The following TENM3 variants were observed in gnomAD, a reference collection of about 807,000 sequenced individuals.
TENM3 encodes the protein teneurin transmembrane protein 3.
In TENM3, 63 loss-of-function variants were observed where a neutral mutation model predicts 255.1. That is an observed-to-expected ratio of 0.25 (90% confidence interval 0.20 to 0.30). The LOEUF (loss-of-function observed/expected upper bound fraction) is 0.30, where lower values mean the gene tolerates loss of function less well. Ranked by LOEUF, TENM3 falls within the 10% of genes least tolerant of loss-of-function variation. TENM3 has a pLI of 1.00. For missense variants in TENM3, 2,929 were observed against 3,461.1 expected (o/e 0.85, Z 3.86); for synonymous variants, 1,306 against 1,322.3 (o/e 0.99, Z 0.27).
At chr4:182,249,312 A>C (rs1338616761) in intron 1 of TENM3, among the ~76,000 whole-genome samples, 2 of 152,240 alleles carry the variant, frequency 1.3e-5, no homozygotes, top group African/African-American at 4.8e-5. Context: ...GACATTGTTA[A>C]AATGATTAGT....
chr4:182,283,057 A>G (rs1288861588), intron 1 of TENM3, among the ~76,000 whole-genome samples: 1 of 152,134 alleles, frequency 6.6e-6, no homozygotes, highest in Non-Finnish European at 1.5e-5. Flanking sequence ...ACTGCCTGGT[A>G]TTTGGAAATA....
At chr4:182,464,462 G>T (rs1580643881) in intron 3 of TENM3, among the ~76,000 whole-genome samples, 1 of 152,154 alleles carries the variant, frequency 6.6e-6, no homozygotes, top group Admixed American at 6.5e-5. Context: ...TCACCATGTT[G>T]GCCAGCCTGG....
the TENM3 span, among the ~76,000 whole-genome samples, chr4:182,076,483 T>C: frequency 6.6e-6 from 1 of 152,284 alleles, no homozygotes; most frequent in African/African-American, 2.4e-5. Context: ...ATTACAGGCG[T>C]GAGCCGCCAC....
the TENM3 span, among the ~76,000 whole-genome samples, chr4:181,861,220 A>G: frequency 2.0e-5 from 3 of 152,208 alleles, no homozygotes; most frequent in African/African-American, 7.2e-5. Flanking sequence ...TTTTAAGAAT[A>G]GTCATTTAAC....
chr4:181,853,524 G>A, the TENM3 span, among the ~76,000 whole-genome samples: 1 of 152,082 alleles, frequency 6.6e-6, no homozygotes, highest in Admixed American at 6.5e-5. Context: ...TATCACTCTC[G>A]TTGACTTTCT....
chr4:182,123,195 A>G, the TENM3 span, among the ~76,000 whole-genome samples: 1 of 151,956 alleles, frequency 6.6e-6, no homozygotes, highest in African/African-American at 2.4e-5. Context: ...GTTTTTTCCT[A>G]TCCAGACCAC....
At chr4:181,461,444 G>A in the TENM3 span, among the ~76,000 whole-genome samples, 4 of 151,936 alleles carry the variant, frequency 2.6e-5, no homozygotes, top group Non-Finnish European at 5.9e-5. Flanking sequence ...AAATATTTTA[G>A]CCATAATTTC....
At chr4:181,850,578 T>G in the TENM3 span, among the ~76,000 whole-genome samples, 1 of 152,176 alleles carries the variant, frequency 6.6e-6, no homozygotes, top group Non-Finnish European at 1.5e-5. Context: ...GAATTATAAT[T>G]TTTACAACTC....
rs193270446 is a variant in TENM3 at position 182,680,545 on chromosome 4, G to T, written c.1642G>T (p.Ala548Ser). 2.6e-5 allele frequency: 42 copies of T among 1,611,694 alleles called. No individual in the cohort carries two copies. In the East Asian group the frequency reaches 7.1e-4, roughly 27 times the overall value. ...TTCTGTCGTGTCTTGTTTCACAGCC[G>T]CCTGTCCAGTGTTATGTAGTGGCAA... ...GFLGPDCSRAACPVLCSGNGQ... is the reference protein window; with the variant it reads ...GFLGPDCSRASCPVLCSGNGQ... The change falls in exon 10 of 28, where the codon GCC becomes TCC. Residue 548 changes from alanine to serine, a missense_variant and splice_region_variant. By Grantham distance (99) the Ala-to-Ser change is moderately conservative. Coordinates refer to ENST00000511685, the MANE Select transcript of TENM3 (RefSeq NM_001080477.4).
the TENM3 span, among the ~76,000 whole-genome samples, chr4:181,933,286 A>G: frequency 2.0e-5 from 3 of 152,200 alleles, no homozygotes; most frequent in East Asian, 3.8e-4. Flanking sequence ...TGCAGTTATC[A>G]ATCAGAAAAT....
chr4:181,972,098 T>A, the TENM3 span, among the ~76,000 whole-genome samples: 1,015 of 152,022 alleles, frequency 6.7e-3, 8 homozygotes, highest in African/African-American at 0.023. Flanking sequence ...GAGACTTAGT[T>A]GAGAGAGAAA....
chr4:182,178,862 A>T (rs968103651), intron 1 of TENM3, among the ~76,000 whole-genome samples: 1 of 152,204 alleles, frequency 6.6e-6, no homozygotes, highest in Non-Finnish European at 1.5e-5. Flanking sequence ...CAGTTATGAA[A>T]CTTCACCTGT....
At chr4:182,286,862 A>G (rs75044940) in intron 1 of TENM3, among the ~76,000 whole-genome samples, 4,254 of 152,198 alleles carry the variant, frequency 0.028, 202 homozygotes, top group African/African-American at 0.096. Flanking sequence ...CAGCCAGAGA[A>G]GTCTTTTGGA....
At chr4:181,505,599 A>C in the TENM3 span, among the ~76,000 whole-genome samples, 1 of 152,258 alleles carries the variant, frequency 6.6e-6, no homozygotes, top group East Asian at 1.9e-4. Context: ...GTTTATTTCT[A>C]GCGAACTTTG....
chr4:182,504,615 C>T (rs1156506374), intron 3 of TENM3, among the ~76,000 whole-genome samples: 3 of 152,146 alleles, frequency 2.0e-5, no homozygotes, highest in African/African-American at 4.8e-5. Flanking sequence ...AGTTCTTATT[C>T]GCATGCGAAT....
At chr4:181,990,108 G>A in the TENM3 span, among the ~76,000 whole-genome samples, 1 of 152,026 alleles carries the variant, frequency 6.6e-6, no homozygotes, top group Non-Finnish European at 1.5e-5. Flanking sequence ...GCTACGAAAA[G>A]GAAGGTTCTT....
the TENM3 span, among the ~76,000 whole-genome samples, chr4:181,597,942 C>G: frequency 6.6e-6 from 1 of 152,136 alleles, no homozygotes; most frequent in South Asian, 2.1e-4. Flanking sequence ...TCATCTCCAG[C>G]AATCAGGCTC....
At chr4:182,111,559 T>A in the TENM3 span, among the ~76,000 whole-genome samples, 1 of 152,170 alleles carries the variant, frequency 6.6e-6, no homozygotes, top group Admixed American at 6.5e-5. Context: ...GGAAAGATAA[T>A]ACACTGAGAC....
the TENM3 span, among the ~76,000 whole-genome samples, chr4:182,021,924 C>T: frequency 3.7e-3 from 567 of 152,222 alleles, 17 homozygotes; most frequent in South Asian, 0.056. Context: ...GAATAGGAAT[C>T]CTTATACATT....
Sources: gnomAD v4.1 joint callset for allele counts (sites outside exome capture counted in the v4.1 genomes callset) on GRCh38, gnomAD v4.1.1 for gene constraint, MANE v1.5 for transcripts, NCBI Gene and HGNC (gene_info 2026-07-23, HGNC 2026-07-21) for gene names.